The following DCAF1 variants were observed in gnomAD, a reference collection of about 807,000 sequenced individuals.
DCAF1 encodes DDB1 and CUL4 associated factor 1, also known as DDB1- and CUL4-associated factor 1.
In DCAF1, 15 loss-of-function variants were observed where a neutral mutation model predicts 128.0. The observed-to-expected ratio is 0.12, with a 90% CI of 0.08 to 0.18. The LOEUF (loss-of-function observed/expected upper bound fraction) is 0.18. Ranked by LOEUF, DCAF1 falls within the 10% of genes least tolerant of loss-of-function variation. The pLI is 1.00. For synonymous variants in DCAF1, 610 were observed against 603.0 expected, an observed-to-expected ratio of 1.01 and a Z score of -0.17; for missense variants, 988 against 1,649.5, an observed-to-expected ratio of 0.60 and a Z score of 6.95.
At chr3:51,443,675 T>A in intron 7 of DCAF1, 91 bp downstream of exon 7, 2 of 1,156,240 alleles carry the variant, frequency 1.7e-6, no homozygotes, top group South Asian at 4.3e-5. Context: ...TACAAGATAA[T>A]CAATATGATC....
intron 6 of DCAF1, among the ~76,000 whole-genome samples, chr3:51,450,068 G>A (rs146405621): frequency 8.2e-4 from 125 of 152,302 alleles, no homozygotes; most frequent in South Asian, 3.5e-3. Context: ...AATTAAAGCC[G>A]GGTATGGCGG....
In DCAF1 at chr3:51,436,303, C is replaced by T. The variant is rs565159278; in HGVS notation, c.1129-3039G>A. 5 of 500,944 alleles carry T rather than the reference C, an allele frequency of 1.0e-5. No individual in the cohort carries two copies. In the East Asian group the frequency reaches 2.8e-4, roughly 28 times the overall value. The allele number at this position is 500,944 out of a possible 1,614,324, so 31.0% of individuals were successfully genotyped here. ...ACATGTTACTCAGCAGAGTTCTAGG[C>T]TTGAAAGAGAACTAACAAACACTGG... On this transcript the variant is annotated intron_variant, in intron 9 of 24. Transcript: ENST00000684031.
chr3:51,474,606 G>T (rs923994557), intron 3 of DCAF1, among the ~76,000 whole-genome samples: 14 of 140,736 alleles, frequency 9.9e-5, no homozygotes, highest in East Asian at 2.1e-4. Context: ...GTTGGTGATG[G>T]TTTTTTTTTT....
chr3:51,464,014 C>T (rs1553645661), intron 5 of DCAF1, among the ~76,000 whole-genome samples: 1 of 151,916 alleles, frequency 6.6e-6, no homozygotes, highest in Non-Finnish European at 1.5e-5. Context: ...ACCACCATGT[C>T]CATCTAATTT....
chr3:51,441,995 G>T (rs2107694329), intron 7 of DCAF1, 98 bp from the exon 8 acceptor site: 1 of 1,467,426 alleles, frequency 6.8e-7, no homozygotes. Context: ...GGAGACTCAT[G>T]CAGTGAGCCC....
intron 6 of DCAF1, among the ~76,000 whole-genome samples, chr3:51,447,465 T>C (rs1701989947): frequency 6.6e-6 from 1 of 152,110 alleles, no homozygotes; most frequent in Non-Finnish European, 1.5e-5. Flanking sequence ...TTTTTGGAAA[T>C]TTTGTTGTAA....
chr3:51,477,573 G>A (rs1224266582), intron 3 of DCAF1, among the ~76,000 whole-genome samples: 2 of 151,902 alleles, frequency 1.3e-5, no homozygotes, highest in Non-Finnish European at 2.9e-5. Flanking sequence ...GCTGCAGTGA[G>A]CTATGATCAC....
intron 9 of DCAF1, among the ~76,000 whole-genome samples, chr3:51,433,898 T>C (rs1406119579): frequency 1.3e-5 from 2 of 150,920 alleles, no homozygotes; most frequent in African/African-American, 4.9e-5. Flanking sequence ...CTGGCCAACA[T>C]GGCGAAATCC....
At position 51,432,466 on chromosome 3, in the gene DCAF1, T is replaced by G. The variant is rs1168465388; in HGVS notation, c.1287+640A>C. Reference sequence around the variant, plus strand: ...GTGAGAGACTAGGTCTGTTGTGTGTTTTTTTTTTTTTAAACGGAGTCTTGC... The same window carrying G: ...GTGAGAGACTAGGTCTGTTGTGTGTGTTTTTTTTTTTAAACGGAGTCTTGC... On this transcript the variant is annotated intron_variant, in intron 10 of 24. Coordinates refer to ENST00000684031, the MANE Select transcript of DCAF1 (RefSeq NM_001387579.1). Among the ~76,000 whole-genome samples, 381 of 146,846 alleles carry G rather than the reference T, an allele frequency of 2.6e-3. 3 individuals are homozygous for G. Among genetic ancestry groups the G allele is most frequent in the African/African-American group, 8.6e-3 (350 of 40,488 alleles).
chr3:51,433,805 G>A (rs949035256), intron 9 of DCAF1, among the ~76,000 whole-genome samples: 1 of 150,808 alleles, frequency 6.6e-6, no homozygotes, highest in African/African-American at 2.4e-5. Context: ...TAAGGGCTGG[G>A]TGCAGTGGCT....
chr3:51,398,928 G>A, intron 24 of DCAF1, 101 bp from the exon 25 acceptor site: 1 of 1,415,636 alleles, frequency 7.1e-7, no homozygotes, highest in South Asian at 1.3e-5. Context: ...CCCGAGCAAG[G>A]TTAACTACCA....
rs1490370106 is a variant in DCAF1, at chr3:51,476,577, A to G, written c.111-5572T>C. Among the ~76,000 whole-genome samples, 7 of 148,286 alleles carry G rather than the reference A, an allele frequency of 4.7e-5. No individual in the cohort carries two copies. The East Asian group carries it at 1.4e-3, about 30-fold the overall frequency. On this transcript the variant is annotated intron_variant, in intron 3 of 24. Transcript: ENST00000684031. The stretch of plus-strand genomic sequence containing the variant: ...ACAGTATATAAATTATATCTCAAAA[A>G]AAAAAAAAAAAAAAAAAAGGCCAGG...
At chr3:51,406,151 G>A (rs527933076) in intron 23 of DCAF1, among the ~76,000 whole-genome samples, 2 of 151,816 alleles carry the variant, frequency 1.3e-5, no homozygotes, top group South Asian at 2.1e-4. Context: ...AGACCATCCC[G>A]GCTAACACAG....
At chr3:51,453,977 G>A (rs1553642140) in intron 6 of DCAF1, among the ~76,000 whole-genome samples, 2 of 151,648 alleles carry the variant, frequency 1.3e-5, no homozygotes, top group Non-Finnish European at 2.9e-5. Context: ...AGCAAGCTAT[G>A]GGACATACGC....
intron 15 of DCAF1, 88 bp downstream of exon 15, chr3:51,419,646 T>G (rs1300790838): frequency 6.6e-7 from 1 of 1,510,356 alleles, no homozygotes; most frequent in Non-Finnish European, 8.8e-7. Context: ...CAGTGGTATT[T>G]CAGGACAACT....
At position 51,477,917 on chromosome 3, in the gene DCAF1, TAC is replaced by T. The variant is rs782424048; in HGVS notation, c.110+5800_110+5801del. 6.6e-5 allele frequency among the ~76,000 whole-genome samples: 10 copies of T among 151,842 alleles called. No homozygotes were observed. In the East Asian group the frequency reaches 1.7e-3, roughly 26 times the overall value. On this transcript the variant is annotated intron_variant, in intron 3 of 24. Coordinates refer to ENST00000684031, the MANE Select transcript of DCAF1 (RefSeq NM_001387579.1). ...TTCCAGTAGCTTTTATATATATATA[TAC>T]ACACACACACAAACCATGCTGCCTG...
intron 6 of DCAF1, among the ~76,000 whole-genome samples, chr3:51,461,223 C>G (rs1488013298): frequency 2.6e-5 from 4 of 151,906 alleles, no homozygotes; most frequent in African/African-American, 9.7e-5. Flanking sequence ...AAGAAAAAAA[C>G]AAACAACCCC....
chr3:51,427,138 G>A (rs1386207069), intron 13 of DCAF1, among the ~76,000 whole-genome samples: 2 of 152,206 alleles, frequency 1.3e-5, no homozygotes, highest in Non-Finnish European at 2.9e-5. Context: ...CGACAGTACA[G>A]AGGCTAATCC....
chr3:51,473,319 T>C (rs1269176869), intron 3 of DCAF1, among the ~76,000 whole-genome samples: 2 of 149,562 alleles, frequency 1.3e-5, no homozygotes, highest in Non-Finnish European at 3.0e-5. Flanking sequence ...TGACACTCTA[T>C]AATAATGACA....
Sources: allele counts gnomAD v4.1 joint callset (sites outside exome capture counted in the v4.1 genomes callset), GRCh38; gene constraint gnomAD v4.1.1; transcripts MANE v1.5; gene names NCBI Gene and HGNC (gene_info 2026-07-23, HGNC 2026-07-21).